The following CUL1 variants were observed in gnomAD, a reference collection of about 807,000 sequenced individuals.
CUL1 encodes the protein cullin 1.
A neutral mutation model predicts 118.0 loss-of-function variants in CUL1; 24 were observed. That is an observed-to-expected ratio of 0.20 (90% CI 0.15 to 0.29). The LOEUF (loss-of-function observed/expected upper bound fraction) is 0.29. Ranked by LOEUF, CUL1 falls within the 10% of genes least tolerant of loss-of-function variation. The pLI is 1.00. For missense variants in CUL1, 361 were observed against 933.8 expected (o/e 0.39, Z 7.99); for synonymous variants, 332 against 340.4 (o/e 0.98, Z 0.27).
At chr7:148,707,001 A>C (rs537268749) in intron 1 of CUL1, among the ~76,000 whole-genome samples, 1 of 152,180 alleles carries the variant, frequency 6.6e-6, no homozygotes, top group Non-Finnish European at 1.5e-5. Flanking sequence ...CTGCTGTTAC[A>C]GGGAGATATA....
chr7:148,761,717 G>A (rs567133670), intron 7 of CUL1, among the ~76,000 whole-genome samples: 50 of 152,276 alleles, frequency 3.3e-4, no homozygotes, highest in African/African-American at 1.1e-3. Flanking sequence ...AGTGTGGCCG[G>A]GTTCCAATAA....
chr7:148,752,331 A>G (rs933068344), intron 2 of CUL1, among the ~76,000 whole-genome samples: 3 of 152,160 alleles, frequency 2.0e-5, no homozygotes, highest in Admixed American at 1.3e-4. Flanking sequence ...GGAATATGAG[A>G]CAAGTGTGGG....
intron 2 of CUL1, among the ~76,000 whole-genome samples, chr7:148,749,916 A>G (rs947879793): frequency 6.6e-6 from 1 of 152,230 alleles, no homozygotes; most frequent in African/African-American, 2.4e-5. Flanking sequence ...GAATGCACAA[A>G]TGATAAGAAA....
intron 1 of CUL1, among the ~76,000 whole-genome samples, chr7:148,719,746 G>C (rs374212359): frequency 6.6e-6 from 1 of 152,260 alleles, no homozygotes; most frequent in Admixed American, 6.5e-5. Flanking sequence ...TCATGAATTC[G>C]CTAGTTCTTC....
At chr7:148,799,194 T>C in intron 20 of CUL1, 81 bp from the exon 21 acceptor site, 1 of 1,051,798 alleles carries the variant, frequency 9.5e-7, no homozygotes, top group East Asian at 2.4e-5. Flanking sequence ...GTCGGCAGCC[T>C]CTGTGCAGCT....
chr7:148,786,943 C>G, intron 12 of CUL1, 46 bp from the exon 13 acceptor site: 1 of 1,590,030 alleles, frequency 6.3e-7, no homozygotes, highest in African/African-American at 1.3e-5. Context: ...GCACTGTTGG[C>G]TTGTGTGTGT....
At chr7:148,797,174 C>G (rs927927653) in intron 17 of CUL1, among the ~76,000 whole-genome samples, 4 of 152,158 alleles carry the variant, frequency 2.6e-5, no homozygotes, top group Non-Finnish European at 4.4e-5. Context: ...CCCCACTGTT[C>G]TCATGAGCAG....
At chr7:148,789,505 C>T (rs777092494) in intron 14 of CUL1, among the ~76,000 whole-genome samples, 4 of 152,024 alleles carry the variant, frequency 2.6e-5, no homozygotes, top group African/African-American at 7.2e-5. Flanking sequence ...AGCAGAATTC[C>T]GAGGTGGAAG....
intron 2 of CUL1, among the ~76,000 whole-genome samples, chr7:148,744,059 T>A (rs368067931): frequency 1.3e-5 from 2 of 152,258 alleles, no homozygotes; most frequent in African/African-American, 4.8e-5. Flanking sequence ...CTGATAGTTA[T>A]TAGCTTCTTT....
At chr7:148,740,681 T>A (rs1350485281) in intron 2 of CUL1, among the ~76,000 whole-genome samples, 3 of 152,150 alleles carry the variant, frequency 2.0e-5, no homozygotes, top group Non-Finnish European at 4.4e-5. Flanking sequence ...ATTTGGATGG[T>A]ATTTGGAGGT....
intron 1 of CUL1, among the ~76,000 whole-genome samples, chr7:148,711,055 C>T (rs892011062): frequency 2.0e-5 from 3 of 152,136 alleles, no homozygotes; most frequent in Non-Finnish European, 4.4e-5. Context: ...CCCAAAAGAA[C>T]CCTGCTTCTT....
Position 148,725,219 on chromosome 7 carries a change from G to GCGCGCGCGCACA in CUL1, c.-161-4742_-161-4741insGCGCGCGCACAC. ...CGTGTACACACACACACACGCGCGC[G>GCGCGCGCGCACA]CTCACACACACACACACACACACAC... On this transcript the variant is annotated intron_variant, in intron 1 of 21. Coordinates refer to ENST00000325222, the MANE Select transcript of CUL1 (RefSeq NM_003592.3). 3.1e-4 allele frequency among the ~76,000 whole-genome samples: 44 copies of GCGCGCGCGCACA among 140,150 alleles called. No homozygotes were observed. The South Asian group carries it at 6.5e-3, about 21-fold the overall frequency. The allele number at this position is 140,150 out of a possible 152,430, so 91.9% of individuals were successfully genotyped here.
At chr7:148,706,280 C>T (rs148124622) in intron 1 of CUL1, among the ~76,000 whole-genome samples, 56 of 152,294 alleles carry the variant, frequency 3.7e-4, no homozygotes, top group African/African-American at 1.3e-3. Context: ...GTGTTCAGTG[C>T]TTGGTATGAG....
At chr7:148,752,613 A>AG (rs1433867818) in intron 2 of CUL1, among the ~76,000 whole-genome samples, 1 of 152,168 alleles carries the variant, frequency 6.6e-6, no homozygotes, top group Non-Finnish European at 1.5e-5. Flanking sequence ...TATTAAAGAT[A>AG]GTTTAAGGTA....
At chr7:148,778,070 CAAAAAA>C (rs1203417069) in intron 9 of CUL1, among the ~76,000 whole-genome samples, 2 of 13,784 alleles carry the variant, frequency 1.5e-4, no homozygotes, top group Admixed American at 1.4e-3. Context: ...GACCCTGTCT[CAAAAAA>C]AAAAAAAAAA....
intron 1 of CUL1, among the ~76,000 whole-genome samples, chr7:148,713,683 T>G (rs1419644438): frequency 6.6e-6 from 1 of 152,182 alleles, no homozygotes; most frequent in Non-Finnish European, 1.5e-5. Context: ...AATGTGTGTA[T>G]TTGAAGGAAT....
At chr7:148,795,092 C>T (rs1207445134) in intron 17 of CUL1, among the ~76,000 whole-genome samples, 2 of 152,130 alleles carry the variant, frequency 1.3e-5, no homozygotes, top group Admixed American at 6.5e-5. Context: ...CTCGGCCTCC[C>T]AAAGTGCTGG....
chr7:148,770,709 G>T lies in CUL1; in HGVS notation c.1083+2960G>T, dbSNP rs139220684. On this transcript the variant is annotated intron_variant, in intron 9 of 21. Coordinates refer to ENST00000325222, the MANE Select transcript of CUL1 (RefSeq NM_003592.3). ...GGAAAGCCCACAGAATTGAAGCTCA[G>T]GGGGAGCGTGGGTGCCCGGGCCATA... Among the ~76,000 whole-genome samples, 1,258 of 152,320 alleles carry T rather than the reference G, an allele frequency of 8.3e-3. 6 individuals are homozygous for T. Among genetic ancestry groups the T allele is most frequent in the Non-Finnish European group, 0.014 (934 of 68,022 alleles).
At chr7:148,733,584 C>A (rs1798838045) in intron 2 of CUL1, among the ~76,000 whole-genome samples, 1 of 152,182 alleles carries the variant, frequency 6.6e-6, no homozygotes, top group African/African-American at 2.4e-5. Context: ...TAAAGGCTTG[C>A]TCGCTGTGAC....
Sources: gnomAD v4.1 joint callset for allele counts (sites outside exome capture counted in the v4.1 genomes callset) on GRCh38, gnomAD v4.1.1 for gene constraint, MANE v1.5 for transcripts, NCBI Gene and HGNC (gene_info 2026-07-23, HGNC 2026-07-21) for gene names.